ALG12: variants seen among roughly 807,000 people sequenced by gnomAD.
ALG12 encodes dol-P-Man:Man(7)GlcNAc(2)-PP-Dol alpha-1,6-mannosyltransferase.
A neutral mutation model predicts 46.0 loss-of-function variants in ALG12; 36 were observed. That is an observed-to-expected ratio of 0.78 (90% CI 0.60 to 1.03). ALG12 has a LOEUF of 1.03. ALG12 is among the 50% of genes least tolerant of loss of function. The probability of loss-of-function intolerance (pLI) is 0.00; values close to 1 mark genes in which losing one functional copy is unlikely to be tolerated. For missense variants in ALG12, 599 were observed against 633.5 expected (o/e 0.95, Z 0.58); for synonymous variants, 326 against 291.6 (o/e 1.12, Z -1.20).
rs1445765394 is a variant in ALG12, at chr22:49,904,488, C to G, written c.1011G>C (p.Lys337Asn). The G allele has an allele frequency of 6.2e-7, 1 of 1,614,060 alleles. No individual in the cohort carries two copies. The highest frequency in any genetic ancestry group is 2.2e-5 in the East Asian group (1 of 44,898). Residue 337 changes from lysine to asparagine, a missense_variant, in exon 8 of 10, where the codon AAG becomes AAC. Physicochemically the swap from Lys to Asn is moderately conservative, Grantham distance 94. Transcript: ENST00000330817. Reference sequence around the variant, plus strand: ...GAGACCCCGCTTTGTACAGCCAAGACTTTTTATAGTTATTCAGCCTGAAAA... The same window carrying G: ...GAGACCCCGCTTTGTACAGCCAAGAGTTTTTATAGTTATTCAGCCTGAAAA... The part of the protein sequence containing the change: ...GCSYLLNNYK[K>N]SWLYKAGSLL...
downstream of ALG12, among the ~76,000 whole-genome samples, chr22:49,896,959 G>T (rs2060485671): frequency 6.6e-6 from 1 of 151,166 alleles, no homozygotes; most frequent in South Asian, 2.1e-4. Context: ...AAGTGAAGCA[G>T]AAGAAAATTC....
rs775415771 is a variant in ALG12, at chr22:49,907,872, G to C, written c.841C>G (p.Leu281Val). 3 of 1,613,920 alleles carry C rather than the reference G, an allele frequency of 1.9e-6. No homozygotes were observed. The highest frequency in any genetic ancestry group is 2.5e-6 in the Non-Finnish European group (3 of 1,180,036). Residue 281 changes from leucine (L) to valine (V), a missense_variant, in exon 7 of 10, where the codon CTG becomes GTG. Physicochemically the swap from Leu to Val is conservative, Grantham distance 32 (BLOSUM62 1). Transcript: ENST00000330817. Reference sequence around the variant, plus strand: ...TGCGTCCTTCTGTCTACCAAGCCCAGGGGGATGAAGAGCAGGCTGCAGCCC... The same window carrying C: ...TGCGTCCTTCTGTCTACCAAGCCCACGGGGATGAAGAGCAGGCTGCAGCCC... Reference protein sequence around the residue: ...GLGCSLLFIPLGLVDRRTHAP... With the variant: ...GLGCSLLFIPVGLVDRRTHAP...
At chr22:49,891,812 G>A in the ALG12 span, among the ~76,000 whole-genome samples, 1 of 152,102 alleles carries the variant, frequency 6.6e-6, no homozygotes, top group East Asian at 1.9e-4. Flanking sequence ...GTCATAATAT[G>A]CATTTTCCAT....
At chr22:49,886,797 C>G in the ALG12 span, 1 of 1,612,974 alleles carries the variant, frequency 6.2e-7, no homozygotes, top group Non-Finnish European at 8.5e-7. This position sits in a 1 kb window ranked among gnomAD's most constrained non-coding sequence, Gnocchi z 7.7. Flanking sequence ...ACGTGGCTGC[C>G]TCCCACAGGT....
At chr22:49,882,930 T>C in the ALG12 span, among the ~76,000 whole-genome samples, 1 of 152,252 alleles carries the variant, frequency 6.6e-6, no homozygotes, top group Non-Finnish European at 1.5e-5. Flanking sequence ...TCGTATTTCA[T>C]GTATCAGGTC....
intron 1 of ALG12, among the ~76,000 whole-genome samples, chr22:49,915,745 G>A (rs1006062650): frequency 2.6e-5 from 4 of 152,076 alleles, no homozygotes; most frequent in African/African-American, 9.7e-5. Context: ...TCCCACCAGC[G>A]CAGCCTCAGC....
chr22:49,913,107 G>A (rs2060588799), intron 3 of ALG12, among the ~76,000 whole-genome samples: 1 of 152,230 alleles, frequency 6.6e-6, no homozygotes, highest in Admixed American at 6.5e-5. Flanking sequence ...GGAGCAGCAG[G>A]CTCAGGTGGC....
chr22:49,910,468 C>A lies in ALG12; in HGVS notation c.435G>T (p.Thr145=), dbSNP rs781076714. 2 of 1,613,646 alleles carry A rather than the reference C, an allele frequency of 1.2e-6. No homozygotes were observed. The highest frequency in any genetic ancestry group is 2.7e-5 in the African/African-American group (2 of 74,932). The change falls in exon 4 of 10, where the codon ACG becomes ACT. Residue 145 remains threonine (T), a synonymous_variant. Transcript: ENST00000330817. Reference sequence around the variant, plus strand: ...GGGCCAGCACATTGGGCAGTGTCCGCGTGCAGTAGAACATCAGGTGGAACT... The same window carrying A: ...GGGCCAGCACATTGGGCAGTGTCCGAGTGCAGTAGAACATCAGGTGGAACT... ...AMQFHLMFYC[T]RTLPNVLALP...
At position 49,906,438 on chromosome 22, in the gene ALG12, C is replaced by T. The variant is rs147922003; in HGVS notation, c.992+1283G>A. ...GCGCGGCTACAGCAGCCAGAGGAGC[C>T]CCCAACCCAGGCACGGCCACGGCAG... On this transcript the variant is annotated intron_variant, in intron 7 of 9. Transcript: ENST00000330817. The surrounding 1 kb of genome is among the most constrained non-coding windows in gnomAD (Gnocchi z 4.4). Among the ~76,000 whole-genome samples the T allele has an allele frequency of 9.7e-3, 1,476 of 152,126 alleles. 15 individuals are homozygous for T. Among genetic ancestry groups the T allele is most frequent in the South Asian group, 0.067 (323 of 4,820 alleles).
At chr22:49,882,276 G>A in the ALG12 span, among the ~76,000 whole-genome samples, 7 of 152,280 alleles carry the variant, frequency 4.6e-5, no homozygotes, top group African/African-American at 1.7e-4. Context: ...TTTGTGGTGG[G>A]CGCATTGGCT....
chr22:49,897,668 T>C (rs964046218), downstream of ALG12, among the ~76,000 whole-genome samples: 144 of 131,032 alleles, frequency 1.1e-3, no homozygotes, highest in African/African-American at 4.4e-3. Context: ...GTTTTCTTTT[T>C]TTTTTTTTTT....
chr22:49,909,848 G>A, intron 5 of ALG12, 46 bp downstream of exon 5: 4 of 1,612,288 alleles, frequency 2.5e-6, no homozygotes, highest in Non-Finnish European at 3.4e-6. Flanking sequence ...TGTAAAACAA[G>A]GCAAAACAAA....
downstream of ALG12, among the ~76,000 whole-genome samples, chr22:49,899,634 G>A (rs12158687): frequency 5.2e-4 from 79 of 152,194 alleles, 1 homozygote; most frequent in African/African-American, 1.8e-3. Context: ...TCACCCCGCA[G>A]CCCAGCACTA....
chr22:49,884,919 C>T, the ALG12 span: 14 of 1,605,844 alleles, frequency 8.7e-6, no homozygotes, highest in East Asian at 6.7e-5. Flanking sequence ...CTTCCGATGA[C>T]ATAGGGGAGG....
chr22:49,883,869 G>A, the ALG12 span: 1 of 1,606,730 alleles, frequency 6.2e-7, no homozygotes, highest in Admixed American at 1.7e-5. Flanking sequence ...GCAGCTGCAA[G>A]CCCCCGGGGA....
chr22:49,909,918 C>T lies in ALG12; in HGVS notation c.640G>A (p.Val214Ile), dbSNP rs762243617. 15 of 1,614,032 alleles carry T rather than the reference C, an allele frequency of 9.3e-6. No homozygotes were observed. The highest frequency in any genetic ancestry group is 6.6e-5 in the South Asian group (6 of 91,094). The part of the protein sequence containing the change: ...VSVVRALRHA[V>I]PAGILCLGLT... ...CCTAAACAGAGGATCCCTGCCGGGA[C>T]GGCGTGGCGAAGGGCTCTGACTACA... The change falls in exon 5 of 10, where the codon GTC becomes ATC. Residue 214 changes from valine (V) to isoleucine (I), a missense_variant. Transcript: ENST00000330817.
chr22:49,913,827 C>T lies in ALG12; in HGVS notation c.-62G>A. On this transcript the variant is annotated 5_prime_UTR_variant, in exon 2 of 10. In the 5' UTR this introduces an upstream ATG that the reference lacks. Transcript: ENST00000330817. ...CAGTGCGAGACACCAGCCGTTAGCA[C>T]TGCCACTCCACGCATGCTGGAAAAG... The T allele has an allele frequency of 1.9e-6, 3 of 1,601,220 alleles. No individual in the cohort carries two copies. The highest frequency in any genetic ancestry group is 2.6e-6 in the Non-Finnish European group (3 of 1,173,228).
At chr22:49,904,654 C>T in intron 7 of ALG12, 148 bp from the exon 8 acceptor site, 1 of 907,254 alleles carries the variant, frequency 1.1e-6, no homozygotes, top group Non-Finnish European at 1.7e-6. Flanking sequence ...GAGTCAGTAA[C>T]CCGTAAAAGT....
chr22:49,883,677 G>C, the ALG12 span: 23 of 1,583,964 alleles, frequency 1.5e-5, 2 homozygotes, highest in Admixed American at 5.2e-5. Context: ...AGAATAACTT[G>C]AAAACTTGTC....
Sources: gnomAD v4.1 joint callset for allele counts (sites outside exome capture counted in the v4.1 genomes callset) on GRCh38, gnomAD v4.1.1 for gene constraint, Gnocchi (gnomAD v3.1) non-coding constraint, MANE v1.5 for transcripts, NCBI Gene and HGNC (gene_info 2026-07-23, HGNC 2026-07-21) for gene names.